ALMS1: variants seen among roughly 807,000 people sequenced by gnomAD.
The protein encoded by ALMS1 is ALMS1 centrosome and basal body associated protein, also known as centrosome-associated protein ALMS1.
ALMS1 carries 271 observed loss-of-function variants against 352.2 expected under a neutral mutation model. That is an observed-to-expected ratio of 0.77 (90% CI 0.70 to 0.85). The LOEUF (loss-of-function observed/expected upper bound fraction) is 0.85, where lower values mean the gene tolerates loss of function less well. Ranked by LOEUF, ALMS1 falls within the 40% of genes least tolerant of loss-of-function variation. The probability of loss-of-function intolerance (pLI) is 0.00; values close to 1 mark genes in which losing one functional copy is unlikely to be tolerated. For synonymous variants in ALMS1, 1,865 were observed against 1,761.2 expected (o/e 1.06, Z -1.48); for missense variants, 5,445 against 4,870.7 (o/e 1.12, Z -3.51).
Position 73,449,949 on chromosome 2 carries a change from C to G in ALMS1, c.3422C>G (p.Ser1141Ter), listed in dbSNP as rs780622565. 3 of 1,614,044 alleles carry G rather than the reference C, an allele frequency of 1.9e-6. No individual in the cohort carries two copies. Among genetic ancestry groups the G allele is most frequent in the Non-Finnish European group, 2.5e-6 (3 of 1,179,958 alleles). ...DQKTGTPTVT[S>*]TSYSQHREKP... Reference sequence around the variant, plus strand: ...AAGACTGGCACACCAACTGTAACCTCAACTTCCTACTCACAACATAGAGAA... The same window carrying G: ...AAGACTGGCACACCAACTGTAACCTGAACTTCCTACTCACAACATAGAGAA... The change falls in exon 8 of 23, where the codon TCA (serine) becomes TGA (stop). Residue 1141 changes from serine (S) to a stop codon, truncating the protein, a stop_gained. Transcript: ENST00000613296. LOFTEE classifies it high-confidence loss of function.
intron 10 of ALMS1, among the ~76,000 whole-genome samples, chr2:73,497,714 A>G (rs972684419): frequency 6.6e-6 from 1 of 152,186 alleles, no homozygotes; most frequent in Non-Finnish European, 1.5e-5. Flanking sequence ...TGCAAAAGAC[A>G]TTATTTCATT....
intron 10 of ALMS1, among the ~76,000 whole-genome samples, chr2:73,512,572 T>G (rs1184619012): frequency 6.6e-6 from 1 of 152,176 alleles, no homozygotes; most frequent in Non-Finnish European, 1.5e-5. Flanking sequence ...ACTGTTGAAT[T>G]TAGAGAATCT....
At chr2:73,470,947 A>G (rs577880289) in intron 9 of ALMS1, 34 of 151,938 alleles carry the variant, frequency 2.2e-4, no homozygotes, top group African/African-American at 7.7e-4. Flanking sequence ...TGCATGGAAT[A>G]TATTTTCCTA....
chr2:73,485,041 T>C (rs1572964457), intron 9 of ALMS1, among the ~76,000 whole-genome samples: 1 of 152,174 alleles, frequency 6.6e-6, no homozygotes, highest in African/African-American at 2.4e-5. Flanking sequence ...TAGCTCAGAG[T>C]AATTTGATCG....
At chr2:73,397,511 A>C (rs1037447904) in intron 1 of ALMS1, among the ~76,000 whole-genome samples, 13 of 151,510 alleles carry the variant, frequency 8.6e-5, no homozygotes, top group African/African-American at 2.9e-4. Flanking sequence ...CTTGTTGCCT[A>C]GGCTGGAATG....
At chr2:73,440,712 A>G (rs1671703056) in intron 7 of ALMS1, among the ~76,000 whole-genome samples, 1 of 152,208 alleles carries the variant, frequency 6.6e-6, no homozygotes, top group Non-Finnish European at 1.5e-5. Context: ...GGCGTGAGCA[A>G]CCACAGCCAG....
chr2:73,558,707 A>G (rs1282466280), intron 14 of ALMS1, among the ~76,000 whole-genome samples: 1 of 152,058 alleles, frequency 6.6e-6, no homozygotes, highest in Non-Finnish European at 1.5e-5. Context: ...TCAGTTGTCT[A>G]GAGTTCTATG....
In ALMS1 at chr2:73,449,880, A is replaced by G. The variant is rs1671891367; in HGVS notation, c.3353A>G (p.Lys1118Arg). ...ACCTTGCCAGAGAGTCATCTGCCTA[A>G]AGAGGCTCTGAAAATTTCAGTAGCT... ...QQTLPESHLP[K>R]EALKISVAPG... Residue 1118 changes from lysine to arginine, a missense_variant, in exon 8 of 23, where the codon AAA (lysine) becomes AGA (arginine). Lys to Arg is a conservative substitution (Grantham distance 26). Transcript: ENST00000613296. The G allele has an allele frequency of 6.2e-7, 1 of 1,613,844 alleles. No homozygotes were observed. Among genetic ancestry groups the G allele is most frequent in the Non-Finnish European group, 8.5e-7 (1 of 1,179,954 alleles).
intron 9 of ALMS1, among the ~76,000 whole-genome samples, chr2:73,465,727 G>A (rs1351542296): frequency 7.9e-5 from 12 of 151,446 alleles, no homozygotes; most frequent in East Asian, 1.9e-4. Flanking sequence ...GAAAATTTTC[G>A]CAACCTACTC....
chr2:73,408,862 G>GTT (rs1300532075), intron 2 of ALMS1, 115 bp downstream of exon 2: 344 of 177,860 alleles, frequency 1.9e-3, no homozygotes, highest in South Asian at 5.1e-3. Context: ...ATGTTTTCTT[G>GTT]TCTTTTTTTT....
rs761866934 is a variant in ALMS1 at position 73,601,205 on chromosome 2, G to C, written c.11883G>C (p.Trp3961Cys). 2 of 1,614,190 alleles carry C rather than the reference G, an allele frequency of 1.2e-6. No homozygotes were observed. The highest frequency in any genetic ancestry group is 2.2e-5 in the South Asian group (2 of 91,056). The change falls in exon 19 of 23, where the codon TGG becomes TGC. Residue 3961 changes from tryptophan (W) to cysteine (C), a missense_variant. Coordinates refer to ENST00000613296, the MANE Select transcript of ALMS1 (RefSeq NM_001378454.1). ...AACTGTTTCCTGTAGGAGTTTCCTG[G>C]TTTGTTCCTGTGGAAAATGTGGAGT... ...NKKNSHEGVS[W>C]FVPVENVESR...
At chr2:73,486,601 A>G (rs1672853063) in intron 9 of ALMS1, among the ~76,000 whole-genome samples, 1 of 152,202 alleles carries the variant, frequency 6.6e-6, no homozygotes, top group Non-Finnish European at 1.5e-5. Context: ...TGCAAGAGAA[A>G]AAGAAAACCC....
chr2:73,473,926 G>T lies in ALMS1; in HGVS notation c.7675-15708G>T, dbSNP rs934241736. ...TTATGGGATTCTTAGAGGGAAGAGA[G>T]AGAGAGAGAGAGAGAGAGAGAAAGG... On this transcript the variant is annotated intron_variant, in intron 9 of 22. Coordinates refer to ENST00000613296, the MANE Select transcript of ALMS1 (RefSeq NM_001378454.1). Among the ~76,000 whole-genome samples the T allele has an allele frequency of 4.6e-5, 7 of 150,762 alleles. 1 individual carries two copies. The highest frequency in any genetic ancestry group is 8.9e-5 in the Non-Finnish European group (6 of 67,612).
At chr2:73,563,469 T>A (rs1411464111) in intron 15 of ALMS1, among the ~76,000 whole-genome samples, 1 of 152,088 alleles carries the variant, frequency 6.6e-6, no homozygotes. Flanking sequence ...ACGCCTGTAA[T>A]TCCAACACTT....
At chr2:73,462,182 A>C (rs1672218520) in intron 9 of ALMS1, among the ~76,000 whole-genome samples, 1 of 152,138 alleles carries the variant, frequency 6.6e-6, no homozygotes, top group African/African-American at 2.4e-5. Flanking sequence ...AAATGAAGGA[A>C]AAAATGTTAA....
intron 9 of ALMS1, among the ~76,000 whole-genome samples, chr2:73,485,920 C>T (rs1303466121): frequency 6.6e-6 from 1 of 152,096 alleles, no homozygotes; most frequent in Non-Finnish European, 1.5e-5. Context: ...CAATGCCTTG[C>T]CCTGCTTCGT....
chr2:73,512,877 C>T (rs1673480030), intron 10 of ALMS1, among the ~76,000 whole-genome samples: 1 of 152,132 alleles, frequency 6.6e-6, no homozygotes, highest in Admixed American at 6.5e-5. Flanking sequence ...GCCTGTTCTT[C>T]CAGTGGAATG....
intron 12 of ALMS1, among the ~76,000 whole-genome samples, chr2:73,544,518 AAAAT>A (rs544876368): frequency 2.7e-4 from 41 of 152,328 alleles, no homozygotes; most frequent in East Asian, 7.7e-4. Context: ...GTATAGTAAA[AAAAT>A]AAATAAATAA....
intron 11 of ALMS1, among the ~76,000 whole-genome samples, chr2:73,530,180 A>G (rs1673879393): frequency 6.6e-6 from 1 of 152,196 alleles, no homozygotes; most frequent in Non-Finnish European, 1.5e-5. Context: ...TCCAAGTCCA[A>G]AGTCTCATGT....
Sources: gnomAD v4.1 joint callset for allele counts (sites outside exome capture counted in the v4.1 genomes callset) on GRCh38, gnomAD v4.1.1 for gene constraint, MANE v1.5 for transcripts, NCBI Gene and HGNC (gene_info 2026-07-23, HGNC 2026-07-21) for gene names.